THSD7A: variants seen among roughly 807,000 people sequenced by gnomAD.
THSD7A encodes the protein thrombospondin type-1 domain-containing protein 7A.
THSD7A carries 96 observed loss-of-function variants against 231.3 expected under a neutral mutation model. That is an observed-to-expected ratio of 0.41 (90% CI 0.35 to 0.49). The LOEUF (loss-of-function observed/expected upper bound fraction) is 0.49, where lower values mean the gene tolerates loss of function less well. THSD7A is among the 20% of genes least tolerant of loss of function. The pLI is 0.05. For missense variants in THSD7A, 2,290 were observed against 2,070.2 expected (o/e 1.11, Z -2.06); for synonymous variants, 940 against 743.3 (o/e 1.26, Z -4.30).
At chr7:11,564,180 C>T (rs1201016810) in intron 4 of THSD7A, among the ~76,000 whole-genome samples, 1 of 152,150 alleles carries the variant, frequency 6.6e-6, no homozygotes, top group Non-Finnish European at 1.5e-5. Context: ...GTTTTAGGTC[C>T]AGACTGAAAC....
intron 9 of THSD7A, among the ~76,000 whole-genome samples, chr7:11,467,767 C>T (rs976557317): frequency 3.3e-5 from 5 of 151,758 alleles, no homozygotes; most frequent in Non-Finnish European, 7.4e-5. Context: ...TTTTTCTTTC[C>T]TTTCCAGATG....
At chr7:11,658,985 A>T (rs1018876306) in intron 1 of THSD7A, among the ~76,000 whole-genome samples, 8 of 151,768 alleles carry the variant, frequency 5.3e-5, no homozygotes, top group Non-Finnish European at 7.4e-5. Context: ...CTTTGACTCA[A>T]ACTGCACTTT....
intron 1 of THSD7A, among the ~76,000 whole-genome samples, chr7:11,714,646 T>A (rs2128150279): frequency 6.6e-6 from 1 of 151,456 alleles, no homozygotes; most frequent in South Asian, 2.1e-4. Context: ...AAGCATCTTC[T>A]TAATTAAAAA....
In THSD7A at chr7:11,602,971, G is replaced by C. The variant is rs1038804479; in HGVS notation, c.1023-9469C>G. On this transcript the variant is annotated intron_variant, in intron 2 of 27. Transcript: ENST00000423059. The stretch of plus-strand genomic sequence containing the variant: ...CCATTCAGGACATAGGCATGGGCAA[G>C]GACTTCATGTCTAAAACACCAAAAG... Among the ~76,000 whole-genome samples the C allele has an allele frequency of 4.1e-4, 62 of 151,198 alleles. 1 individual carries two copies. The highest frequency in any genetic ancestry group is 6.8e-3 in the Middle Eastern group (2 of 294).
intron 1 of THSD7A, among the ~76,000 whole-genome samples, chr7:11,757,489 G>T (rs780295569): frequency 1.3e-5 from 2 of 151,960 alleles, no homozygotes; most frequent in Non-Finnish European, 2.9e-5. Flanking sequence ...AAGCAGTGAG[G>T]AACTGCCTCA....
intron 1 of THSD7A, among the ~76,000 whole-genome samples, chr7:11,803,216 A>G (rs149817146): frequency 6.6e-6 from 1 of 152,310 alleles, no homozygotes; most frequent in Admixed American, 6.5e-5. Flanking sequence ...TTGGGTGACC[A>G]GACAGGCTGA....
At chr7:11,585,189 CAACT>C (rs1304805298) in intron 4 of THSD7A, among the ~76,000 whole-genome samples, 2 of 152,306 alleles carry the variant, frequency 1.3e-5, no homozygotes, top group East Asian at 3.9e-4. Context: ...TCTGGGTAGA[CAACT>C]AACTACCTTA....
chr7:11,644,915 T>G (rs967236861), intron 1 of THSD7A, among the ~76,000 whole-genome samples: 8 of 152,068 alleles, frequency 5.3e-5, no homozygotes, highest in African/African-American at 1.9e-4. Flanking sequence ...ACAAAAAGAT[T>G]CACATTTTCA....
At chr7:11,539,733 A>G (rs1276756380) in intron 6 of THSD7A, among the ~76,000 whole-genome samples, 1 of 152,220 alleles carries the variant, frequency 6.6e-6, no homozygotes, top group African/African-American at 2.4e-5. Context: ...CATTAGCACA[A>G]ATACCAGGAA....
intron 1 of THSD7A, among the ~76,000 whole-genome samples, chr7:11,719,707 T>A (rs1272842324): frequency 6.6e-6 from 1 of 151,652 alleles, no homozygotes; most frequent in African/African-American, 2.4e-5. Context: ...CATAATAAAA[T>A]CTTTAACTTC....
intron 1 of THSD7A, among the ~76,000 whole-genome samples, chr7:11,784,797 A>T (rs1783736464): frequency 6.6e-6 from 1 of 152,064 alleles, no homozygotes; most frequent in African/African-American, 2.4e-5. Flanking sequence ...TTGAATATAT[A>T]TTGTTGCAAT....
intron 1 of THSD7A, among the ~76,000 whole-genome samples, chr7:11,712,084 A>AAATATG (rs1453327071): frequency 2.0e-5 from 3 of 151,216 alleles, no homozygotes; most frequent in Admixed American, 1.3e-4. Context: ...GAGACTATGC[A>AAATATG]AATATGAATA....
intron 1 of THSD7A, among the ~76,000 whole-genome samples, chr7:11,652,566 G>T (rs969405323): frequency 6.6e-6 from 1 of 151,710 alleles, no homozygotes; most frequent in Admixed American, 6.6e-5. Flanking sequence ...CATGCGAATT[G>T]GTATGTATAT....
chr7:11,575,543 C>T (rs966110121), intron 4 of THSD7A, among the ~76,000 whole-genome samples: 2 of 152,148 alleles, frequency 1.3e-5, no homozygotes, highest in Non-Finnish European at 2.9e-5. Context: ...GAAATTGTGT[C>T]TCTGCATTGA....
intron 1 of THSD7A, among the ~76,000 whole-genome samples, chr7:11,643,292 T>A (rs1333046484): frequency 6.6e-6 from 1 of 152,066 alleles, no homozygotes; most frequent in Non-Finnish European, 1.5e-5. Context: ...CTACAGAACA[T>A]CTTATTTTAA....
chr7:11,793,853 T>C (rs1784041116), intron 1 of THSD7A, among the ~76,000 whole-genome samples: 1 of 151,914 alleles, frequency 6.6e-6, no homozygotes, highest in African/African-American at 2.4e-5. Context: ...ATTTCTTTCT[T>C]TTTTTGAATT....
At chr7:11,391,262 G>GGGGCTCCTGCCTTTTTT (rs1782969936) in intron 23 of THSD7A, among the ~76,000 whole-genome samples, 1 of 152,200 alleles carries the variant, frequency 6.6e-6, no homozygotes, top group African/African-American at 2.4e-5. Flanking sequence ...GCCCCTGACT[G>GGGGCTCCTGCCTTTTTT]GGGCTCCTGC....
At chr7:11,653,694 C>T (rs528450167) in intron 1 of THSD7A, among the ~76,000 whole-genome samples, 2 of 151,938 alleles carry the variant, frequency 1.3e-5, no homozygotes, top group African/African-American at 4.8e-5. Flanking sequence ...AGCCAGCAAT[C>T]AGTTTTGTAC....
At chr7:11,427,899 C>G (rs1784370139) in intron 14 of THSD7A, among the ~76,000 whole-genome samples, 1 of 152,080 alleles carries the variant, frequency 6.6e-6, no homozygotes, top group Non-Finnish European at 1.5e-5. Context: ...CCCTCCATTG[C>G]ACATAAAGAT....
Sources: gnomAD v4.1 joint callset for allele counts (sites outside exome capture counted in the v4.1 genomes callset) on GRCh38, gnomAD v4.1.1 for gene constraint, MANE v1.5 for transcripts, NCBI Gene and HGNC (gene_info 2026-07-23, HGNC 2026-07-21) for gene names.